Variants in NFU1 observed in about 807,000 individuals in gnomAD.
The protein encoded by NFU1 is NFU1 iron-sulfur cluster scaffold homolog, mitochondrial.
In NFU1, 30 loss-of-function variants were observed where a neutral mutation model predicts 32.2. The observed-to-expected ratio is 0.93, with a 90% CI of 0.70 to 1.26. The LOEUF (loss-of-function observed/expected upper bound fraction) is 1.26, where lower values mean the gene tolerates loss of function less well. Ranked by LOEUF, NFU1 falls within the 50% of genes most tolerant of loss-of-function variation. NFU1 has a pLI of 0.00. For missense variants in NFU1, 306 were observed against 306.6 expected (o/e 1.00, Z 0.02); for synonymous variants, 112 against 104.6 (o/e 1.07, Z -0.43).
rs534309730 is a variant in NFU1, at chr2:69,404,615, A to ATTTTTTTTTTTTTTTTTTTTTTTTTTT, written c.545+1406_545+1407insAAAAAAAAAAAAAAAAAAAAAAAAAAA. Among the ~76,000 whole-genome samples the ATTTTTTTTTTTTTTTTTTTTTTTTTTT allele has an allele frequency of 7.5e-4, 55 of 73,004 alleles. 10 individuals carry two copies. Among genetic ancestry groups the ATTTTTTTTTTTTTTTTTTTTTTTTTTT allele is most frequent in the African/African-American group, 2.1e-3 (34 of 15,928 alleles). 47.9% of individuals were successfully genotyped at this position (73,004 alleles called of 152,430 possible). Reference sequence around the variant, plus strand: ...CACTTAATAACTACTATCTTAGCAAATTTTTTTTTTTTTTTTTTTTTTTGA... The same window carrying ATTTTTTTTTTTTTTTTTTTTTTTTTTT: ...CACTTAATAACTACTATCTTAGCAAATTTTTTTTTTTTTTTTTTTTTTTTTTTTTTTTTTTTTTTTTTTTTTTTTTGA... On this transcript the variant is annotated intron_variant, in intron 6 of 7. Transcript: ENST00000410022.
intron 2 of NFU1, 65 bp from the exon 3 acceptor site, chr2:69,423,782 A>C (rs1465044161): frequency 1.7e-6 from 2 of 1,201,340 alleles, no homozygotes; most frequent in Non-Finnish European, 2.4e-6. Context: ...TGGACTATGA[A>C]GTGCTCATTT....
intron 3 of NFU1, 36 bp from the exon 4 acceptor site, chr2:69,419,640 C>T (rs767192006): frequency 9.7e-6 from 12 of 1,233,554 alleles, no homozygotes; most frequent in Non-Finnish European, 1.4e-5. Context: ...TATTAAAATG[C>T]TTGATTATGG....
At chr2:69,429,780 G>A in intron 2 of NFU1, 1 of 160,368 alleles carries the variant, frequency 6.2e-6, no homozygotes. Flanking sequence ...TATAATCCCA[G>A]CACTTTGGGA....
At chr2:69,411,775 G>A (rs981083938) in intron 5 of NFU1, among the ~76,000 whole-genome samples, 23 of 150,924 alleles carry the variant, frequency 1.5e-4, no homozygotes, top group African/African-American at 3.9e-4. Flanking sequence ...GTATTTTTTC[G>A]TAAACACAGG....
intron 3 of NFU1, among the ~76,000 whole-genome samples, chr2:69,421,915 C>T (rs1400770275): frequency 1.3e-5 from 2 of 152,096 alleles, no homozygotes; most frequent in Non-Finnish European, 2.9e-5. Context: ...TCAGGGGATC[C>T]ATTCCAATGC....
chr2:69,396,031 T>G, downstream of NFU1: 1 of 473,586 alleles, frequency 2.1e-6, no homozygotes, highest in Non-Finnish European at 3.7e-6. Context: ...GGGACAAAAA[T>G]AAAAATATCC....
At chr2:69,417,713 C>A (rs1355487904) in intron 4 of NFU1, among the ~76,000 whole-genome samples, 1 of 151,810 alleles carries the variant, frequency 6.6e-6, no homozygotes, top group Non-Finnish European at 1.5e-5. Context: ...TCAACATATA[C>A]CCTAACTTGG....
intron 5 of NFU1, among the ~76,000 whole-genome samples, chr2:69,413,248 G>A (rs1047460222): frequency 3.4e-5 from 5 of 147,696 alleles, no homozygotes; most frequent in African/African-American, 1.3e-4. Context: ...TCGCGCCATT[G>A]CACTCCAGCC....
chr2:69,435,993 C>T (rs895023220), intron 1 of NFU1, among the ~76,000 whole-genome samples: 16 of 151,710 alleles, frequency 1.1e-4, no homozygotes, highest in African/African-American at 3.9e-4. Flanking sequence ...ATCCGCCCAG[C>T]TTGACCTCTC....
At chr2:69,429,875 G>T (rs539503334) in intron 2 of NFU1, 6 of 180,638 alleles carry the variant, frequency 3.3e-5, no homozygotes, top group Non-Finnish European at 7.3e-5. Flanking sequence ...CAAAAAATAC[G>T]AAAATTAGCT....
Position 69,423,603 on chromosome 2 carries a change from G to A in NFU1, c.281C>T (p.Ala94Val). The stretch of plus-strand genomic sequence containing the variant: ...ATACCTAGCCAGAGGGGAGCGAAAT[G>A]CTGCAGCTGGGGTGGGAAAATCCAT... ...RTMDFPTPAAAFRSPLARQLF... is the reference protein window; with the variant it reads ...RTMDFPTPAAVFRSPLARQLF... The change falls in exon 3 of 8, where the codon GCA becomes GTA. Residue 94 changes from alanine (A) to valine (V), a missense_variant. By Grantham distance (64) the Ala-to-Val change is moderately conservative. Transcript: ENST00000410022. 6.2e-7 allele frequency: 1 copy of A among 1,613,774 alleles called. No homozygotes were observed. The highest frequency in any genetic ancestry group is 8.5e-7 in the Non-Finnish European group (1 of 1,179,936).
chr2:69,400,214 A>G (rs1672475044), intron 7 of NFU1, 150 bp downstream of exon 7: 4 of 720,150 alleles, frequency 5.6e-6, no homozygotes, highest in Non-Finnish European at 9.6e-6. Flanking sequence ...TCTGATAAAA[A>G]TTGCAACACA....
intron 5 of NFU1, among the ~76,000 whole-genome samples, chr2:69,407,111 T>C (rs1672719806): frequency 6.6e-6 from 1 of 152,032 alleles, no homozygotes; most frequent in Non-Finnish European, 1.5e-5. Flanking sequence ...AATTGCCCAG[T>C]CTCAGGTATG....
At chr2:69,427,883 C>T (rs1673517918) in intron 2 of NFU1, among the ~76,000 whole-genome samples, 1 of 151,398 alleles carries the variant, frequency 6.6e-6, no homozygotes, top group Non-Finnish European at 1.5e-5. Context: ...ATTAGCCAGG[C>T]GTGGTAGTGC....
At chr2:69,400,878 A>G (rs1452703613) in intron 6 of NFU1, among the ~76,000 whole-genome samples, 2 of 152,162 alleles carry the variant, frequency 1.3e-5, no homozygotes, top group African/African-American at 4.8e-5. Flanking sequence ...TGAGCCCAGG[A>G]GTTGGAAGCT....
At chr2:69,402,954 T>A (rs1672573449) in intron 6 of NFU1, among the ~76,000 whole-genome samples, 1 of 123,712 alleles carries the variant, frequency 8.1e-6, no homozygotes, top group Non-Finnish European at 1.6e-5. Flanking sequence ...ACAAATATTC[T>A]ATTTCTTTCC....
chr2:69,438,575 A>C (rs1402457129), upstream of NFU1, among the ~76,000 whole-genome samples: 1 of 151,926 alleles, frequency 6.6e-6, no homozygotes, highest in Non-Finnish European at 1.5e-5. Flanking sequence ...GTTTTAACAA[A>C]CCCTTCCCAG....
chr2:69,408,809 T>G (rs1283628491), intron 5 of NFU1, among the ~76,000 whole-genome samples: 1 of 148,014 alleles, frequency 6.8e-6, no homozygotes, highest in Non-Finnish European at 1.5e-5. Context: ...ATTGCAATTA[T>G]ATTTATGAGA....
chr2:69,407,059 G>C (rs1199833821), intron 5 of NFU1, among the ~76,000 whole-genome samples: 1 of 152,080 alleles, frequency 6.6e-6, no homozygotes, highest in Non-Finnish European at 1.5e-5. Flanking sequence ...GGCCTCCCCA[G>C]CTATGCTGAA....
Sources: allele counts gnomAD v4.1 joint callset (sites outside exome capture counted in the v4.1 genomes callset), GRCh38; gene constraint gnomAD v4.1.1; transcripts MANE v1.5; gene names NCBI Gene and HGNC (gene_info 2026-07-23, HGNC 2026-07-21).